Variants in C12orf42 observed in about 807,000 individuals in gnomAD.
C12orf42 encodes uncharacterized protein C12orf42.
In C12orf42, 25 loss-of-function variants were observed where a neutral mutation model predicts 21.6. The observed-to-expected ratio is 1.16, with a 90% CI of 0.84 to 1.62. The LOEUF (loss-of-function observed/expected upper bound fraction) is 1.62, where lower values mean the gene tolerates loss of function less well. Ranked by LOEUF, C12orf42 falls within the 40% of genes most tolerant of loss-of-function variation. The pLI, the probability that C12orf42 is intolerant of heterozygous loss-of-function variation, is 0.00. For synonymous variants in C12orf42, 174 were observed against 175.0 expected (o/e 0.99, Z 0.05); for missense variants, 483 against 459.3 (o/e 1.05, Z -0.47).
chr12:103,383,105 T>C (rs1003077729), intron 3 of C12orf42, among the ~76,000 whole-genome samples: 4 of 149,436 alleles, frequency 2.7e-5, no homozygotes, highest in Non-Finnish European at 4.4e-5. Context: ...CTTCAGGATA[T>C]AGTGTTCTGA....
chr12:103,218,151 A>C, the C12orf42 span, among the ~76,000 whole-genome samples: 1 of 151,762 alleles, frequency 6.6e-6, no homozygotes, highest in Non-Finnish European at 1.5e-5. Flanking sequence ...GTGGTGGTGC[A>C]CTCCTGTAAT....
the C12orf42 span, among the ~76,000 whole-genome samples, chr12:103,097,175 G>A: frequency 9.2e-5 from 14 of 152,256 alleles, no homozygotes; most frequent in African/African-American, 3.4e-4. Flanking sequence ...GAAAGTTAGA[G>A]TATCACTTAG....
At chr12:103,493,250 G>A (rs1045656269) in intron 1 of C12orf42, among the ~76,000 whole-genome samples, 1 of 152,244 alleles carries the variant, frequency 6.6e-6, no homozygotes, top group African/African-American at 2.4e-5. Flanking sequence ...AGCTTTCGAC[G>A]ATCTGATTCT....
chr12:103,048,365 G>A, the C12orf42 span, among the ~76,000 whole-genome samples: 4 of 152,264 alleles, frequency 2.6e-5, no homozygotes, highest in South Asian at 2.1e-4. Context: ...TTACAAGGTG[G>A]TTGTGAGATT....
intron 4 of C12orf42, among the ~76,000 whole-genome samples, chr12:103,349,950 A>T (rs566973292): frequency 6.6e-6 from 1 of 152,288 alleles, no homozygotes; most frequent in African/African-American, 2.4e-5. Context: ...GAATTAAAAT[A>T]TACTTTTTCA....
chr12:103,374,325 G>C lies in C12orf42; in HGVS notation c.148-5327C>G, dbSNP rs114331918. Among the ~76,000 whole-genome samples, 741 of 152,198 alleles carry C rather than the reference G, an allele frequency of 4.9e-3. 10 individuals carry two copies. Among genetic ancestry groups the C allele is most frequent in the African/African-American group, 0.017 (702 of 41,530 alleles). On this transcript the variant is annotated intron_variant, in intron 3 of 5. Transcript: ENST00000548883. ...GATCTGAGCACATCACATTCCATTG[G>C]CTGCTTGGATTGGAGTTCAGAACCA... is the stretch of plus-strand genomic sequence containing the variant.
chr12:103,281,402 A>C (rs1029915941), intron 4 of C12orf42, among the ~76,000 whole-genome samples: 3 of 152,098 alleles, frequency 2.0e-5, no homozygotes, highest in Non-Finnish European at 2.9e-5. Context: ...TCACTCTGTC[A>C]CCCAGGCTGG....
At chr12:103,529,068 C>T in the C12orf42 span, among the ~76,000 whole-genome samples, 78 of 152,022 alleles carry the variant, frequency 5.1e-4, no homozygotes, top group Non-Finnish European at 6.5e-4. Flanking sequence ...AAAACAACAA[C>T]GAAAAAAAAC....
the C12orf42 span, among the ~76,000 whole-genome samples, chr12:103,089,680 A>G: frequency 0.011 from 1,652 of 151,898 alleles, 12 homozygotes; most frequent in South Asian, 0.019. Context: ...ATCTTGATTC[A>G]TAGTGAAATT....
chr12:103,284,198 T>C (rs974985005), intron 4 of C12orf42, among the ~76,000 whole-genome samples: 2 of 152,230 alleles, frequency 1.3e-5, no homozygotes, highest in African/African-American at 4.8e-5. Flanking sequence ...AAACCTGCTA[T>C]AGATATAAAT....
chr12:103,287,680 A>G (rs951091744), intron 4 of C12orf42, among the ~76,000 whole-genome samples: 1 of 151,948 alleles, frequency 6.6e-6, no homozygotes, highest in African/African-American at 2.4e-5. Flanking sequence ...CGTTGTGCAC[A>G]TGTACCCTAA....
rs554603018 is a variant in C12orf42, at chr12:103,302,325, G to C, written c.866C>G (p.Pro289Arg). 7.4e-5 allele frequency: 119 copies of C among 1,613,862 alleles called. No homozygotes were observed. Among genetic ancestry groups the C allele is most frequent in the Non-Finnish European group, 9.9e-5 (117 of 1,179,888 alleles). Residue 289 changes from proline to arginine, a missense_variant, in exon 6 of 6, where the codon CCT (proline) becomes CGT (arginine). By Grantham distance (103) the Pro-to-Arg change is moderately radical. Transcript: ENST00000548883. Reference protein sequence around the residue: ...AMAPEMLPKHPHTPRDRRPQA... With the variant: ...AMAPEMLPKHRHTPRDRRPQA... ...AGGCCTCCTGTCCCGCGGGGTATGA[G>C]GATGCTTGGGGAGCATCTCCGGCGC... is the stretch of plus-strand genomic sequence containing the variant.
chr12:103,236,097 T>C (rs2033459066), downstream of C12orf42, among the ~76,000 whole-genome samples: 1 of 152,202 alleles, frequency 6.6e-6, no homozygotes, highest in African/African-American at 2.4e-5. Context: ...TTTTTTTCTT[T>C]ATGAACAAAT....
chr12:103,408,409 C>T (rs1186435502), intron 2 of C12orf42, among the ~76,000 whole-genome samples: 2 of 152,104 alleles, frequency 1.3e-5, no homozygotes, highest in Non-Finnish European at 2.9e-5. Flanking sequence ...AGGAAGTAGG[C>T]TTAACACACA....
At chr12:103,367,632 G>T (rs895024535) in intron 4 of C12orf42, among the ~76,000 whole-genome samples, 1 of 151,776 alleles carries the variant, frequency 6.6e-6, no homozygotes, top group African/African-American at 2.4e-5. Flanking sequence ...AATATTGAAG[G>T]ATTCTCAAGA....
intron 1 of C12orf42, among the ~76,000 whole-genome samples, chr12:103,484,478 T>C (rs1369432930): frequency 6.6e-6 from 1 of 152,240 alleles, no homozygotes; most frequent in Non-Finnish European, 1.5e-5. Flanking sequence ...AAGTGTCTGT[T>C]AGTATCCTTT....
chr12:103,293,317 G>A (rs2036942939), intron 4 of C12orf42, among the ~76,000 whole-genome samples: 1 of 151,968 alleles, frequency 6.6e-6, no homozygotes, highest in Admixed American at 6.6e-5. Context: ...AAAATGAGCT[G>A]AAGGGTCCTT....
chr12:103,461,173 C>CAT (rs1488141550), intron 2 of C12orf42, among the ~76,000 whole-genome samples: 1 of 152,190 alleles, frequency 6.6e-6, no homozygotes, highest in Non-Finnish European at 1.5e-5. Flanking sequence ...TATTCTTACA[C>CAT]ATATGCAAAT....
chr12:103,413,168 T>C (rs923347268), intron 2 of C12orf42, among the ~76,000 whole-genome samples: 1 of 152,238 alleles, frequency 6.6e-6, no homozygotes, highest in African/African-American at 2.4e-5. Context: ...ATCTTCAGCA[T>C]ATAGCTAGCC....
Sources: gnomAD v4.1 joint callset for allele counts (sites outside exome capture counted in the v4.1 genomes callset) on GRCh38, gnomAD v4.1.1 for gene constraint, MANE v1.5 for transcripts, NCBI Gene and HGNC (gene_info 2026-07-23, HGNC 2026-07-21) for gene names.